VMP1: variants seen among roughly 807,000 people sequenced by gnomAD.
VMP1 encodes vacuole membrane protein 1.
A neutral mutation model predicts 56.0 loss-of-function variants in VMP1; 11 were observed. That is an observed-to-expected ratio of 0.20 (90% CI 0.12 to 0.32). VMP1 has a LOEUF of 0.32. Among genes scored for constraint, VMP1 ranks in the 10% least tolerant of loss-of-function variants. The pLI, the probability that VMP1 is intolerant of heterozygous loss-of-function variation, is 1.00. For missense variants in VMP1, 296 were observed against 490.3 expected (o/e 0.60, Z 3.74); for synonymous variants, 149 against 165.0 (o/e 0.90, Z 0.74).
chr17:59,739,992 A>G (rs983750530), intron 5 of VMP1, among the ~76,000 whole-genome samples: 4 of 147,558 alleles, frequency 2.7e-5, no homozygotes, highest in Non-Finnish European at 4.5e-5. Context: ...CAGGAGAGTG[A>G]TGTGAACCTG....
At chr17:59,773,206 C>T (rs780450873) in intron 6 of VMP1, among the ~76,000 whole-genome samples, 3 of 151,864 alleles carry the variant, frequency 2.0e-5, no homozygotes, top group South Asian at 2.1e-4. Flanking sequence ...GGGATCCGCC[C>T]GCCTCGCCCT....
chr17:59,756,736 C>T (rs756299628), intron 5 of VMP1, among the ~76,000 whole-genome samples: 4 of 152,116 alleles, frequency 2.6e-5, no homozygotes, highest in Non-Finnish European at 4.4e-5. Context: ...GTCTTCATCT[C>T]GGTTGATAAG....
chr17:59,741,024 A>G (rs937099604), intron 5 of VMP1, among the ~76,000 whole-genome samples: 1 of 152,038 alleles, frequency 6.6e-6, no homozygotes, highest in African/African-American at 2.4e-5. Flanking sequence ...ACATCTCTAC[A>G]TCTCTATAAA....
intron 5 of VMP1, among the ~76,000 whole-genome samples, chr17:59,748,935 G>C (rs1304230931): frequency 4.7e-5 from 7 of 148,778 alleles, no homozygotes; most frequent in African/African-American, 1.7e-4. Context: ...GTCTTGAGTG[G>C]CTGTCACAGG....
chr17:59,719,192 C>T (rs1224231981), intron 1 of VMP1, among the ~76,000 whole-genome samples: 1 of 151,952 alleles, frequency 6.6e-6, no homozygotes. Context: ...TAGTCTAATC[C>T]AATTAAGAAA....
intron 10 of VMP1, among the ~76,000 whole-genome samples, chr17:59,819,545 C>A (rs1025999453): frequency 3.3e-5 from 5 of 152,152 alleles, no homozygotes; most frequent in African/African-American, 1.2e-4. Context: ...CCTCCGCCTC[C>A]CAGGTTAAAG....
chr17:59,817,626 C>A (rs1277309134), intron 9 of VMP1, 86 bp from the exon 10 acceptor site: 1 of 944,140 alleles, frequency 1.1e-6, no homozygotes, highest in Non-Finnish European at 1.6e-6. Flanking sequence ...CACAATCTTA[C>A]CTCTTTAGAC....
At chr17:59,714,046 G>GAAAAAA (rs771155795) in intron 1 of VMP1, among the ~76,000 whole-genome samples, 1 of 61,774 alleles carries the variant, frequency 1.6e-5, no homozygotes, top group African/African-American at 5.0e-5. Flanking sequence ...GTCTTAAAAG[G>GAAAAAA]AAAAAAAAAA....
At chr17:59,827,689 A>G (rs181489716) in intron 10 of VMP1, among the ~76,000 whole-genome samples, 6 of 150,234 alleles carry the variant, frequency 4.0e-5, no homozygotes, top group Admixed American at 1.3e-4. Flanking sequence ...AGGCCCACTC[A>G]CACCTGTAAT....
At chr17:59,780,990 C>A (rs1234063232) in intron 7 of VMP1, among the ~76,000 whole-genome samples, 2 of 152,136 alleles carry the variant, frequency 1.3e-5, no homozygotes, top group African/African-American at 4.8e-5. Context: ...ATTTTCCTTA[C>A]ATACTTTTTC....
intron 2 of VMP1, among the ~76,000 whole-genome samples, chr17:59,734,833 A>C (rs551393914): frequency 1.3e-5 from 2 of 151,192 alleles, no homozygotes; most frequent in African/African-American, 4.9e-5. Flanking sequence ...ACCATGTGTT[A>C]CTGAAACTGT....
chr17:59,829,843 T>G (rs980804424), intron 10 of VMP1, among the ~76,000 whole-genome samples: 1 of 152,160 alleles, frequency 6.6e-6, no homozygotes, highest in Non-Finnish European at 1.5e-5. Flanking sequence ...TTGCCTTAAA[T>G]GTAAAATTCA....
At chr17:59,731,041 A>G (rs1399245150) in intron 1 of VMP1, among the ~76,000 whole-genome samples, 2 of 152,172 alleles carry the variant, frequency 1.3e-5, no homozygotes, top group Non-Finnish European at 2.9e-5. Flanking sequence ...ACACAGTAGT[A>G]TGATATTTAA....
chr17:59,786,383 G>A (rs891590406), intron 7 of VMP1, among the ~76,000 whole-genome samples: 23 of 152,180 alleles, frequency 1.5e-4, no homozygotes, highest in African/African-American at 5.5e-4. Flanking sequence ...TGAAGTGTGT[G>A]CGGTTGCAGT....
At chr17:59,750,608 G>T (rs1053646096) in intron 5 of VMP1, among the ~76,000 whole-genome samples, 6 of 151,982 alleles carry the variant, frequency 3.9e-5, no homozygotes, top group Non-Finnish European at 7.4e-5. Context: ...AGCCCACAAT[G>T]AGTGATTTTT....
At chr17:59,755,568 C>T (rs1405080481) in intron 5 of VMP1, among the ~76,000 whole-genome samples, 1 of 152,086 alleles carries the variant, frequency 6.6e-6, no homozygotes, top group Non-Finnish European at 1.5e-5. Context: ...TCTCATATTT[C>T]TACCCTGTGA....
intron 7 of VMP1, among the ~76,000 whole-genome samples, chr17:59,775,511 A>T (rs907502030): frequency 3.9e-5 from 6 of 151,984 alleles, no homozygotes. Flanking sequence ...TTGTAGAGAC[A>T]GGGTCCCACT....
At chr17:59,727,635 A>G (rs988970457) in intron 1 of VMP1, among the ~76,000 whole-genome samples, 25 of 152,186 alleles carry the variant, frequency 1.6e-4, no homozygotes, top group African/African-American at 5.8e-4. Context: ...CCGAACTTTT[A>G]AAATGAGAGC....
chr17:59,718,862 A>C lies in VMP1; in HGVS notation c.-27+11114A>C, dbSNP rs551240999. The stretch of plus-strand genomic sequence containing the variant: ...CCCCAAGACCTTAGAAAGTTGAAAA[A>C]AATTCAAGAATTTTTTTTCATATAT... On this transcript the variant is annotated intron_variant, in intron 1 of 11. Transcript: ENST00000262291. Among the ~76,000 whole-genome samples, 36 of 152,136 alleles carry C rather than the reference A, an allele frequency of 2.4e-4. No individual in the cohort carries two copies. The East Asian group carries it at 6.8e-3, about 29-fold the overall frequency.
Sources: allele counts gnomAD v4.1 joint callset (sites outside exome capture counted in the v4.1 genomes callset), GRCh38; gene constraint gnomAD v4.1.1; transcripts MANE v1.5; gene names NCBI Gene and HGNC (gene_info 2026-07-23, HGNC 2026-07-21).